The following STK31 variants were observed in gnomAD, a reference collection of about 807,000 sequenced individuals.
STK31 encodes the protein serine/threonine-protein kinase 31.
A neutral mutation model predicts 129.7 loss-of-function variants in STK31; 89 were observed. That is an observed-to-expected ratio of 0.69 (90% CI 0.58 to 0.82). The LOEUF (loss-of-function observed/expected upper bound fraction) is 0.82, where lower values mean the gene tolerates loss of function less well. Among genes scored for constraint, STK31 ranks in the 40% least tolerant of loss-of-function variants. The pLI is 0.00. For missense variants in STK31, 1,187 were observed against 1,176.4 expected, an observed-to-expected ratio of 1.01 and a Z score of -0.13; for synonymous variants, 448 against 395.3, an observed-to-expected ratio of 1.13 and a Z score of -1.58.
chr7:23,736,136 T>C (rs1787703939), intron 7 of STK31, among the ~76,000 whole-genome samples: 1 of 152,222 alleles, frequency 6.6e-6, no homozygotes, highest in African/African-American at 2.4e-5. Context: ...TACCAACTTT[T>C]CATGCCAACT....
chr7:23,745,918 A>T (rs760725516), intron 8 of STK31, among the ~76,000 whole-genome samples: 2 of 152,186 alleles, frequency 1.3e-5, no homozygotes, highest in Non-Finnish European at 2.9e-5. Flanking sequence ...GGCTGCAAGC[A>T]GGATAGCATT....
chr7:23,711,925 TACTC>T (rs1384462937), intron 1 of STK31, among the ~76,000 whole-genome samples, 170 bp from the exon 2 acceptor site: 1 of 144,048 alleles, frequency 6.9e-6, no homozygotes, highest in Non-Finnish European at 1.6e-5. Flanking sequence ...TACTACAAAA[TACTC>T]AAAAGAATTA....
chr7:23,795,992 T>C (rs185416792), intron 22 of STK31, among the ~76,000 whole-genome samples: 2 of 152,346 alleles, frequency 1.3e-5, no homozygotes, highest in Non-Finnish European at 2.9e-5. Flanking sequence ...TTTGACTTAA[T>C]GCTTAAATGA....
Position 23,735,600 on chromosome 7 carries a change from C to T in STK31, c.546C>T (p.Thr182=), listed in dbSNP as rs1349108970. Residue 182 remains threonine (T), a synonymous_variant, in exon 7 of 24, where the codon ACC becomes ACT. Coordinates refer to ENST00000355870, the MANE Select transcript of STK31 (RefSeq NM_031414.5). ...EKEIKMRIKA[T]SEDGTVIAQA... ...AAATAAAAATGAGAATTAAAGCAAC[C>T]TCTGAAGATGGAACAGTTATTGCTC... 1 of 1,613,250 alleles carries T rather than the reference C, an allele frequency of 6.2e-7. No homozygotes were observed. The highest frequency in any genetic ancestry group is 2.2e-5 in the East Asian group (1 of 44,864).
chr7:23,786,561 C>A lies in STK31; in HGVS notation c.2328C>A (p.Thr776=). The A allele has an allele frequency of 6.2e-7, 1 of 1,613,754 alleles. No individual in the cohort carries two copies. The highest frequency in any genetic ancestry group is 8.5e-7 in the Non-Finnish European group (1 of 1,179,840). ...TEAKVIERAA[T]YHRAWREAEG... ...CCAAGGTGATTGAGAGAGCAGCCAC[C>A]TACCATAGAGCTTGGAGAGAAGCTG... Residue 776 remains threonine, a synonymous_variant, in exon 19 of 24, where the codon ACC becomes ACA. Transcript: ENST00000355870.
intron 23 of STK31, 130 bp downstream of exon 23, chr7:23,815,342 A>G (rs765327169): frequency 5.4e-5 from 35 of 646,300 alleles, no homozygotes; most frequent in Non-Finnish European, 8.4e-5. Flanking sequence ...GAAGTATTGA[A>G]AAAAATTCAG....
intron 22 of STK31, among the ~76,000 whole-genome samples, chr7:23,801,104 G>A (rs374081805): frequency 1.3e-5 from 2 of 152,122 alleles, no homozygotes; most frequent in Non-Finnish European, 2.9e-5. Context: ...GATTGTAATC[G>A]TATGTATTAT....
At chr7:23,746,123 C>T (rs75405201) in intron 8 of STK31, among the ~76,000 whole-genome samples, 18,747 of 152,044 alleles carry the variant, frequency 0.12, 1,238 homozygotes, top group East Asian at 0.22. Flanking sequence ...CTACTTGGGG[C>T]TGGGCACACA....
At chr7:23,767,594 A>G (rs578176266) in intron 11 of STK31, among the ~76,000 whole-genome samples, 1 of 152,220 alleles carries the variant, frequency 6.6e-6, no homozygotes, top group East Asian at 1.9e-4. Context: ...CCAGATATTC[A>G]GGGGAGAAGT....
intron 23 of STK31, among the ~76,000 whole-genome samples, chr7:23,824,828 A>G (rs1317333057): frequency 1.3e-5 from 2 of 151,554 alleles, no homozygotes; most frequent in Non-Finnish European, 2.9e-5. Flanking sequence ...ATTTTGTCAA[A>G]GGCCTTTTCT....
intron 10 of STK31, among the ~76,000 whole-genome samples, chr7:23,756,209 C>T (rs1789074068): frequency 1.3e-5 from 2 of 152,154 alleles, no homozygotes; most frequent in African/African-American, 4.8e-5. Flanking sequence ...AGAGGTCCTT[C>T]ACATCCCTTA....
At chr7:23,737,917 G>A (rs1787815099) in intron 8 of STK31, among the ~76,000 whole-genome samples, 1 of 151,564 alleles carries the variant, frequency 6.6e-6, no homozygotes, top group South Asian at 2.1e-4. Context: ...CACCAAATCT[G>A]TTGTTCCTGC....
chr7:23,828,078 A>G (rs1794290287), intron 23 of STK31, among the ~76,000 whole-genome samples: 1 of 152,164 alleles, frequency 6.6e-6, no homozygotes, highest in Non-Finnish European at 1.5e-5. Flanking sequence ...CTGTTCTCAG[A>G]TCTCCAGCTG....
intron 3 of STK31, among the ~76,000 whole-genome samples, chr7:23,714,760 T>C (rs1270457872): frequency 6.6e-6 from 1 of 152,204 alleles, no homozygotes; most frequent in African/African-American, 2.4e-5. Context: ...TGATTGAATT[T>C]GGAGCAAATT....
chr7:23,727,818 C>T lies in STK31; in HGVS notation c.324+503C>T, dbSNP rs542128260. Among the ~76,000 whole-genome samples, 10 of 151,914 alleles carry T rather than the reference C, an allele frequency of 6.6e-5. No individual in the cohort carries two copies. In the East Asian group the frequency reaches 1.2e-3, roughly 18 times the overall value. On this transcript the variant is annotated intron_variant, in intron 5 of 23. Transcript: ENST00000355870. ...CAGGTGATCCGTCCGCCTCAGCCTC[C>T]GAAAGTGCTGGGATTACAGGAGTGA...
chr7:23,767,003 A>G (rs1254692450), intron 11 of STK31, among the ~76,000 whole-genome samples: 1 of 152,180 alleles, frequency 6.6e-6, no homozygotes, highest in African/African-American at 2.4e-5. Context: ...CCCTTCTGCC[A>G]TTTAGCCAAT....
chr7:23,736,907 A>G lies in STK31; in HGVS notation c.846A>G (p.Glu282=). 3 of 1,598,142 alleles carry G rather than the reference A, an allele frequency of 1.9e-6. No homozygotes were observed. Among genetic ancestry groups the G allele is most frequent in the Non-Finnish European group, 2.6e-6 (3 of 1,174,468 alleles). ...DAGNLITFPK[E]SLAVGDFNLG... is the part of the protein sequence containing the mutation. ...ATAAATGAATTTGTTTTTATAGGGA[A>G]AGTTTGGCTGTTGGTGACTTTAATT... is the stretch of plus-strand genomic sequence containing the variant. The change falls in exon 8 of 24, where the codon GAA becomes GAG. Residue 282 remains glutamate (E), a synonymous_variant. Transcript: ENST00000355870.
Position 23,754,432 on chromosome 7 carries a change from A to T in STK31, c.1251A>T (p.Glu417Asp). The T allele has an allele frequency of 1.2e-6, 2 of 1,613,934 alleles. No individual in the cohort carries two copies. Among genetic ancestry groups the T allele is most frequent in the Non-Finnish European group, 1.7e-6 (2 of 1,179,912 alleles). The change falls in exon 10 of 24, where the codon GAA becomes GAT. Residue 417 changes from glutamate (E) to aspartate (D), a missense_variant. This residue lies in a region of STK31 where 975 missense variants were observed against 934.9 expected (regional missense o/e 1.04). Transcript: ENST00000355870. Reference protein sequence around the residue: ...SLNGLEIIWAEYSLAQENIKT... With the variant: ...SLNGLEIIWADYSLAQENIKT... The stretch of plus-strand genomic sequence containing the variant: ...ATGGATTAGAGATAATATGGGCAGA[A>T]TACAGTCTGGCTCAGGAGAATATTA...
intron 15 of STK31, among the ~76,000 whole-genome samples, chr7:23,776,864 C>T (rs1233203649): frequency 6.6e-6 from 1 of 152,030 alleles, no homozygotes. Flanking sequence ...CTTCTACTAG[C>T]TTTTGAATTA....
Sources: allele counts gnomAD v4.1 joint callset (sites outside exome capture counted in the v4.1 genomes callset), GRCh38; gene constraint gnomAD v4.1.1; regional missense constraint gnomAD v4.1.1; transcripts MANE v1.5; gene names NCBI Gene and HGNC (gene_info 2026-07-23, HGNC 2026-07-21).